Variants in SETBP1 observed in about 807,000 individuals in gnomAD.
SETBP1 encodes SET-binding protein.
Under a neutral mutation model 101.0 loss-of-function variants are expected in SETBP1, and 9 were observed. The observed-to-expected ratio is 0.09, with a 90% confidence interval of 0.05 to 0.16. SETBP1 has a LOEUF of 0.16. Among genes scored for constraint, SETBP1 ranks in the 10% least tolerant of loss-of-function variants. SETBP1 has a pLI of 1.00. For synonymous variants in SETBP1, 818 were observed against 788.5 expected (o/e 1.04, Z -0.63); for missense variants, 1,858 against 2,033.8 (o/e 0.91, Z 1.66).
Position 44,939,784 on chromosome 18 carries a change from T to C in SETBP1, c.541-10097T>C, listed in dbSNP as rs545502790. Reference sequence around the variant, plus strand: ...CAATGGTATCTGATTGTGGTTTTAATTGACATTTCTTTGATGGCAGATAAT... The same window carrying C: ...CAATGGTATCTGATTGTGGTTTTAACTGACATTTCTTTGATGGCAGATAAT... On this transcript the variant is annotated intron_variant, in intron 3 of 5. Transcript: ENST00000649279. Among the ~76,000 whole-genome samples, 4 of 152,360 alleles carry C rather than the reference T, an allele frequency of 2.6e-5. No individual in the cohort carries two copies. The South Asian group carries it at 6.2e-4, about 24-fold the overall frequency.
intron 5 of SETBP1, 144 bp downstream of exon 5, chr18:45,038,799 A>C (rs2073452432): frequency 5.0e-6 from 4 of 805,628 alleles, no homozygotes; most frequent in Non-Finnish European, 8.1e-6. Context: ...CCGTTTCAGC[A>C]CTGGCTCTTT....
At chr18:44,805,220 C>T (rs976270247) in intron 2 of SETBP1, among the ~76,000 whole-genome samples, 5 of 151,956 alleles carry the variant, frequency 3.3e-5, no homozygotes, top group African/African-American at 1.2e-4. Flanking sequence ...GATGAGAAAC[C>T]GTTTAAGACT....
chr18:44,814,537 G>C (rs536972595), intron 2 of SETBP1, among the ~76,000 whole-genome samples: 2 of 152,330 alleles, frequency 1.3e-5, no homozygotes, highest in South Asian at 4.1e-4. Flanking sequence ...AGGTGGCCTA[G>C]GAAGTAGGAG....
In SETBP1 at chr18:45,019,478, A is replaced by G. The variant is rs372865295; in HGVS notation, c.4001-19007A>G. 3.0e-4 allele frequency among the ~76,000 whole-genome samples: 45 copies of G among 152,296 alleles called. No homozygotes were observed. The South Asian group carries it at 8.9e-3, about 30-fold the overall frequency. ...CGTTTTTTGTGAGTAATTTTTTTAAATCTCTTTAAAAGTCTGGCATTTGCC... is the reference window on the plus strand; with the variant it reads ...CGTTTTTTGTGAGTAATTTTTTTAAGTCTCTTTAAAAGTCTGGCATTTGCC... On this transcript the variant is annotated intron_variant, in intron 4 of 5. Transcript: ENST00000649279.
At chr18:44,715,658 A>C (rs2069446139) in intron 2 of SETBP1, among the ~76,000 whole-genome samples, 1 of 152,256 alleles carries the variant, frequency 6.6e-6, no homozygotes. Context: ...GCTATAAAAC[A>C]GTTCTGAAAT....
chr18:44,713,500 G>A (rs536662310), intron 2 of SETBP1, among the ~76,000 whole-genome samples: 186 of 152,212 alleles, frequency 1.2e-3, no homozygotes, highest in Non-Finnish European at 1.5e-3. Context: ...CCTGTGCTGG[G>A]AATACTAGTT....
At chr18:45,028,428 G>A (rs2145448399) in intron 4 of SETBP1, among the ~76,000 whole-genome samples, 1 of 152,166 alleles carries the variant, frequency 6.6e-6, no homozygotes, top group Non-Finnish European at 1.5e-5. Context: ...CATTTGGGTT[G>A]GTTCCAAGTC....
At chr18:44,690,674 A>G (rs1048930873) in intron 1 of SETBP1, among the ~76,000 whole-genome samples, 2 of 152,246 alleles carry the variant, frequency 1.3e-5, no homozygotes, top group African/African-American at 4.8e-5. Context: ...TGTGATTTCA[A>G]CAAATCCCTC....
chr18:44,954,329 TAAA>T (rs5824565), intron 4 of SETBP1, among the ~76,000 whole-genome samples: 8 of 71,586 alleles, frequency 1.1e-4, no homozygotes, highest in Non-Finnish European at 1.1e-4. Context: ...TTGCAGAAGC[TAAA>T]AAAAAAAAAA....
At chr18:45,003,577 G>A (rs993116044) in intron 4 of SETBP1, among the ~76,000 whole-genome samples, 4 of 151,898 alleles carry the variant, frequency 2.6e-5, no homozygotes, top group East Asian at 1.9e-4. Context: ...ACATGTGAAC[G>A]AGCGAGTAGC....
At chr18:44,714,413 G>T (rs975389171) in intron 2 of SETBP1, among the ~76,000 whole-genome samples, 1 of 152,050 alleles carries the variant, frequency 6.6e-6, no homozygotes, top group Non-Finnish European at 1.5e-5. Flanking sequence ...CGTTGGCCAG[G>T]CTGGTCTCAA....
At chr18:44,912,773 G>A (rs188644413) in intron 3 of SETBP1, among the ~76,000 whole-genome samples, 1 of 152,244 alleles carries the variant, frequency 6.6e-6, no homozygotes, top group East Asian at 1.9e-4. Flanking sequence ...CCCCTCCTCT[G>A]TGCACCATCG....
rs1011719895 is a variant in SETBP1, at chr18:44,714,268, C to T, written c.486+12436C>T. Among the ~76,000 whole-genome samples, 9 of 152,068 alleles carry T rather than the reference C, an allele frequency of 5.9e-5. 1 individual carries two copies. Among genetic ancestry groups the T allele is most frequent in the East Asian group, 3.9e-4 (2 of 5,164 alleles). On this transcript the variant is annotated intron_variant, in intron 2 of 5. Transcript: ENST00000649279. Reference sequence around the variant, plus strand: ...GGCTGGTGTGCAGTGGCACGATTTCCGCTCACTGTAACCTCCACCTCCCAG... The same window carrying T: ...GGCTGGTGTGCAGTGGCACGATTTCTGCTCACTGTAACCTCCACCTCCCAG...
At chr18:44,888,123 G>C (rs2069690359) in intron 3 of SETBP1, among the ~76,000 whole-genome samples, 1 of 152,114 alleles carries the variant, frequency 6.6e-6, no homozygotes, top group Admixed American at 6.6e-5. Context: ...TCAGGGTGCT[G>C]GTCCTGGTCT....
At chr18:45,040,921 G>A (rs918863445) in intron 5 of SETBP1, among the ~76,000 whole-genome samples, 2 of 152,120 alleles carry the variant, frequency 1.3e-5, no homozygotes, top group African/African-American at 4.8e-5. Flanking sequence ...GGGGAAATAG[G>A]CCAGATATCT....
chr18:44,787,494 G>C (rs998073732), intron 2 of SETBP1, among the ~76,000 whole-genome samples: 4 of 152,166 alleles, frequency 2.6e-5, no homozygotes, highest in Admixed American at 1.3e-4. Context: ...AAAATACACA[G>C]ACATGGAGTT....
intron 2 of SETBP1, among the ~76,000 whole-genome samples, chr18:44,761,640 A>G (rs555377346): frequency 2.7e-3 from 406 of 152,302 alleles, no homozygotes; most frequent in African/African-American, 9.0e-3. Flanking sequence ...CATAGATTAC[A>G]GTGCTCTTAT....
intron 2 of SETBP1, among the ~76,000 whole-genome samples, chr18:44,793,807 G>GC (rs2071413976): frequency 1.3e-5 from 2 of 152,202 alleles, no homozygotes; most frequent in Admixed American, 1.3e-4. Context: ...CAATTAGGAA[G>GC]ATGTTTAGGA....
At chr18:44,866,325 T>C (rs1003567737) in intron 2 of SETBP1, among the ~76,000 whole-genome samples, 2 of 152,226 alleles carry the variant, frequency 1.3e-5, no homozygotes, top group Non-Finnish European at 2.9e-5. Context: ...GCTTGGAAGA[T>C]ATCTTAAGCC....
Sources: gnomAD v4.1 joint callset for allele counts (sites outside exome capture counted in the v4.1 genomes callset) on GRCh38, gnomAD v4.1.1 for gene constraint, MANE v1.5 for transcripts, NCBI Gene and HGNC (gene_info 2026-07-23, HGNC 2026-07-21) for gene names.